The following CHAT variants were observed in gnomAD, a reference collection of about 807,000 sequenced individuals.
CHAT encodes choline O-acetyltransferase, also known as acetyl CoA:choline O-acetyltransferase.
CHAT carries 61 observed loss-of-function variants against 76.9 expected under a neutral mutation model. That is an observed-to-expected ratio of 0.79 (90% CI 0.65 to 0.98). The LOEUF is 0.98. CHAT is among the 50% of genes least tolerant of loss of function. The probability of loss-of-function intolerance (pLI) is 0.00; values close to 1 mark genes in which losing one functional copy is unlikely to be tolerated. For missense variants in CHAT, 946 were observed against 986.9 expected (o/e 0.96, Z 0.56); for synonymous variants, 407 against 397.4 (o/e 1.02, Z -0.29).
intron 7 of CHAT, among the ~76,000 whole-genome samples, chr10:49,636,605 C>G (rs1839301694): frequency 6.6e-6 from 1 of 152,128 alleles, no homozygotes; most frequent in African/African-American, 2.4e-5. Flanking sequence ...ATCAATTCTT[C>G]CTTAAATGTT....
Position 49,619,720 on chromosome 10 carries a change from T to C in CHAT, c.388-5T>C. On this transcript the variant is annotated splice_region_variant and splice_polypyrimidine_tract_variant and intron_variant, in intron 2 of 14. Transcript: ENST00000337653. The stretch of plus-strand genomic sequence containing the variant: ...GGCACAATGCCTATGAACCCTTTCT[T>C]CCAGGGGCTGCCCAAACTGCCCGTG... 1 of 1,609,664 alleles carries C rather than the reference T, an allele frequency of 6.2e-7. No homozygotes were observed. Among genetic ancestry groups the C allele is most frequent in the Non-Finnish European group, 8.5e-7 (1 of 1,179,890 alleles).
intron 7 of CHAT, among the ~76,000 whole-genome samples, chr10:49,634,725 T>C (rs1839241202): frequency 6.6e-6 from 1 of 152,154 alleles, no homozygotes; most frequent in African/African-American, 2.4e-5. Flanking sequence ...GTTTTTGTTT[T>C]TGTTTTTGTA....
At chr10:49,639,958 C>T (rs186985555) in intron 7 of CHAT, among the ~76,000 whole-genome samples, 3 of 152,280 alleles carry the variant, frequency 2.0e-5, no homozygotes, top group African/African-American at 7.2e-5. Flanking sequence ...TCCCTAGGTT[C>T]TGCTGTTGAG....
At chr10:49,616,134 T>C (rs764294750) in intron 1 of CHAT, 13 of 1,552,644 alleles carry the variant, frequency 8.4e-6, no homozygotes, top group Non-Finnish European at 1.1e-5. Context: ...AAGAGAGAGT[T>C]TGATTGGCAA....
chr10:49,623,501 T>C (rs773519366), intron 5 of CHAT, among the ~76,000 whole-genome samples: 5 of 152,130 alleles, frequency 3.3e-5, no homozygotes, highest in Admixed American at 2.6e-4. Context: ...GGAAGAGAAA[T>C]AAGGCCTCAT....
chr10:49,615,985 TCACCCACGCATGCATTCCTTTCCCTC>T (rs1484281954), intron 1 of CHAT: 9 of 1,566,330 alleles, frequency 5.7e-6, no homozygotes, highest in Non-Finnish European at 7.9e-6. Flanking sequence ...AGGCCTCCAT[TCACCCACGCATGCATTCCTTTCCCTC>T]CACCAACGGA....
At chr10:49,659,278 A>T (rs936826071) in intron 13 of CHAT, among the ~76,000 whole-genome samples, 1 of 152,264 alleles carries the variant, frequency 6.6e-6, no homozygotes, top group Non-Finnish European at 1.5e-5. Context: ...ATATTTTTAG[A>T]CAGAGAAAGT....
chr10:49,651,434 CAG>C (rs1839873827), intron 10 of CHAT, among the ~76,000 whole-genome samples: 1 of 152,188 alleles, frequency 6.6e-6, no homozygotes, highest in African/African-American at 2.4e-5. Context: ...AGTGGGCAGT[CAG>C]CTCAGACCCC....
intron 3 of CHAT, 129 bp from the exon 4 acceptor site, chr10:49,620,366 C>T (rs1838659376): frequency 1.3e-6 from 1 of 772,384 alleles, no homozygotes; most frequent in South Asian, 1.4e-5. Context: ...TGGCACATAC[C>T]TGGGGCTTAG....
chr10:49,613,918 C>T (rs1338505698), upstream of CHAT: 2 of 580,320 alleles, frequency 3.4e-6, no homozygotes, highest in African/African-American at 1.9e-5. Flanking sequence ...TGAGACTGGC[C>T]TGGATGGTGG....
upstream of CHAT, chr10:49,612,038 C>G (rs1481268167): frequency 6.2e-7 from 1 of 1,613,718 alleles, no homozygotes; most frequent in Non-Finnish European, 8.5e-7. Context: ...GTGGCCTACG[C>G]GCTCGGGCCC....
intron 8 of CHAT, among the ~76,000 whole-genome samples, chr10:49,647,761 TTCCTTCCTTCCTTCCTTC>T (rs1839722760): frequency 5.4e-5 from 1 of 18,516 alleles, no homozygotes; most frequent in Admixed American, 8.1e-4. Flanking sequence ...CCTTCCTTCC[TTCCTTCCTTCCTTCCTTC>T]CTTCCTTCCT....
rs1022799648 is a variant in CHAT at position 49,614,385 on chromosome 10, C to T, written c.196C>T (p.Arg66Cys). 1 of 1,543,918 alleles carries T rather than the reference C, an allele frequency of 6.5e-7. No homozygotes were observed. Among genetic ancestry groups the T allele is most frequent in the South Asian group, 1.2e-5 (1 of 83,816 alleles). ...GCSPHPRAAT[R>C]PPPLPAHTPA... ...CAGCCCCCACCCCCGCGCTGCGACACGCCCCCCACCCCTTCCGGCTCACAC... is the reference window on the plus strand; with the variant it reads ...CAGCCCCCACCCCCGCGCTGCGACATGCCCCCCACCCCTTCCGGCTCACAC... Residue 66 changes from arginine to cysteine, a missense_variant, in exon 1 of 15, where the codon CGC becomes TGC. Physicochemically the swap from Arg to Cys is radical, Grantham distance 180. Around this residue, in one of 3 missense-constraint regions of CHAT, gnomAD observed 548 missense variants for 516.2 expected, o/e 1.06. Transcript: ENST00000337653.
intron 7 of CHAT, among the ~76,000 whole-genome samples, chr10:49,634,697 G>C (rs1839239199): frequency 6.6e-6 from 1 of 152,112 alleles, no homozygotes. Flanking sequence ...ATAGCTAGGA[G>C]GTGGTTTTTT....
intron 10 of CHAT, among the ~76,000 whole-genome samples, chr10:49,650,305 T>C (rs1839835014): frequency 1.3e-5 from 2 of 152,144 alleles, no homozygotes; most frequent in African/African-American, 4.8e-5. Context: ...GGACCTGCAC[T>C]CCATATTTGA....
intron 10 of CHAT, 167 bp from the exon 11 acceptor site, chr10:49,651,717 G>A (rs1158276284): frequency 3.0e-6 from 2 of 658,980 alleles, no homozygotes; most frequent in Non-Finnish European, 5.2e-6. Flanking sequence ...ACTTTCATAG[G>A]TCAAGGCATG....
chr10:49,658,931 C>G (rs919829429), intron 13 of CHAT, among the ~76,000 whole-genome samples: 1 of 151,942 alleles, frequency 6.6e-6, no homozygotes, highest in Non-Finnish European at 1.5e-5. Flanking sequence ...GAGATAATAT[C>G]CCCAAAATAT....
intron 5 of CHAT, among the ~76,000 whole-genome samples, chr10:49,624,730 CGGAT>C (rs908612250): frequency 1.8e-3 from 75 of 41,534 alleles, no homozygotes; most frequent in Non-Finnish European, 3.1e-3. Flanking sequence ...GATGGATGGA[CGGAT>C]GGATGGATGG....
At position 49,619,933 on chromosome 10, in the gene CHAT, A is replaced by G; in HGVS notation, c.579+17A>G. ...GCCAACTGGGTAAGAGGGGCAGACA[A>G]GGAACCCATAGAAGAGGGGCGGGAG... On this transcript the variant is annotated intron_variant, in intron 3 of 14. Coordinates refer to ENST00000337653, the MANE Select transcript of CHAT (RefSeq NM_020549.5). The G allele has an allele frequency of 1.2e-6, 2 of 1,605,464 alleles. No homozygotes were observed. The highest frequency in any genetic ancestry group is 1.7e-6 in the Non-Finnish European group (2 of 1,176,572).
Sources: allele counts gnomAD v4.1 joint callset (sites outside exome capture counted in the v4.1 genomes callset), GRCh38; gene constraint gnomAD v4.1.1; regional missense constraint gnomAD v4.1.1; transcripts MANE v1.5; gene names NCBI Gene and HGNC (gene_info 2026-07-23, HGNC 2026-07-21).